Variants in TCF12 observed in about 807,000 individuals in gnomAD.
TCF12 encodes DNA-binding protein HTF4.
A neutral mutation model predicts 86.0 loss-of-function variants in TCF12; 45 were observed. That is an observed-to-expected ratio of 0.52 (90% CI 0.41 to 0.67). The LOEUF (loss-of-function observed/expected upper bound fraction) is 0.67, where lower values mean the gene tolerates loss of function less well. Ranked by LOEUF, TCF12 falls within the 30% of genes least tolerant of loss-of-function variation. TCF12 has a pLI of 0.00. For synonymous variants in TCF12, 330 were observed against 299.6 expected (o/e 1.10, Z -1.05); for missense variants, 881 against 859.9 (o/e 1.02, Z -0.31).
intron 3 of TCF12, among the ~76,000 whole-genome samples, chr15:56,992,130 G>A (rs2063489803): frequency 6.6e-6 from 1 of 151,916 alleles, no homozygotes; most frequent in Non-Finnish European, 1.5e-5. Flanking sequence ...ACCTAGTTGG[G>A]CATGGTGATG....
chr15:57,203,970 GGGT>G (rs2151777749), intron 8 of TCF12, among the ~76,000 whole-genome samples: 1 of 152,274 alleles, frequency 6.6e-6, no homozygotes, highest in East Asian at 1.9e-4. Context: ...ACTCCAGCCT[GGGT>G]GACAGAGGAA....
intron 8 of TCF12, chr15:57,214,202 G>A (rs550757780): frequency 2.0e-5 from 3 of 152,294 alleles, no homozygotes; most frequent in Non-Finnish European, 4.4e-5. Context: ...GTGAGTTTGT[G>A]ATCAAAAGAA....
intron 3 of TCF12, among the ~76,000 whole-genome samples, chr15:57,032,857 G>T (rs1044451918): frequency 5.3e-5 from 8 of 152,186 alleles, no homozygotes; most frequent in African/African-American, 1.9e-4. Flanking sequence ...ACAGACACCA[G>T]TGACAAGATA....
chr15:56,994,459 C>A (rs2140992002), intron 3 of TCF12, among the ~76,000 whole-genome samples: 1 of 152,016 alleles, frequency 6.6e-6, no homozygotes, highest in East Asian at 1.9e-4. Context: ...TTGAAAGACA[C>A]AAACATACAG....
chr15:57,135,639 C>G (rs2151376101), intron 5 of TCF12, among the ~76,000 whole-genome samples: 1 of 152,210 alleles, frequency 6.6e-6, no homozygotes, highest in East Asian at 1.9e-4. Context: ...GATAGAAAAG[C>G]TTTTTAAAAA....
At chr15:56,938,480 T>G (rs968412723) in intron 3 of TCF12, among the ~76,000 whole-genome samples, 2 of 152,082 alleles carry the variant, frequency 1.3e-5, no homozygotes, top group Non-Finnish European at 2.9e-5. Flanking sequence ...TTTTCTGTTG[T>G]GTCCTTTCCT....
chr15:56,929,623 GA>G (rs2060161512), intron 3 of TCF12, among the ~76,000 whole-genome samples: 1 of 152,086 alleles, frequency 6.6e-6, no homozygotes, highest in African/African-American at 2.4e-5. Flanking sequence ...AGATCCCACA[GA>G]AAAGAAAATG....
intron 3 of TCF12, among the ~76,000 whole-genome samples, chr15:56,956,098 A>G (rs941761819): frequency 2.6e-5 from 4 of 151,854 alleles, no homozygotes; most frequent in Non-Finnish European, 4.4e-5. Context: ...TTGTTTTTAC[A>G]TTTAACTGCA....
chr15:57,084,303 T>C (rs2048490716), intron 4 of TCF12, among the ~76,000 whole-genome samples: 1 of 152,170 alleles, frequency 6.6e-6, no homozygotes, highest in Non-Finnish European at 1.5e-5. Flanking sequence ...TGGTTGTATA[T>C]AGTATGTGAT....
intron 4 of TCF12, among the ~76,000 whole-genome samples, chr15:57,067,640 C>G (rs1287133203): frequency 6.6e-6 from 1 of 151,584 alleles, no homozygotes; most frequent in Admixed American, 6.6e-5. Context: ...AAGCATGTCT[C>G]AGCATGTTTG....
chr15:57,185,753 G>A (rs2056631001), intron 6 of TCF12, among the ~76,000 whole-genome samples: 1 of 152,110 alleles, frequency 6.6e-6, no homozygotes, highest in Non-Finnish European at 1.5e-5. Flanking sequence ...GTGTGGTGGT[G>A]CACATCTAGT....
intron 8 of TCF12, among the ~76,000 whole-genome samples, chr15:57,223,395 T>C (rs1280665825): frequency 3.3e-5 from 5 of 152,034 alleles, no homozygotes; most frequent in Non-Finnish European, 7.4e-5. Context: ...ATATATATAC[T>C]ACATTGGAAA....
At chr15:56,932,779 G>A (rs1362835079) in intron 3 of TCF12, among the ~76,000 whole-genome samples, 1 of 152,154 alleles carries the variant, frequency 6.6e-6, no homozygotes, top group Non-Finnish European at 1.5e-5. Context: ...TGGCCAGGCT[G>A]TTCTTTAATT....
In TCF12 at chr15:57,286,691, G is replaced by GA; in HGVS notation, c.*550dup. 1 of 456,260 alleles carries GA rather than the reference G, an allele frequency of 2.2e-6. No homozygotes were observed. The highest frequency in any genetic ancestry group is 2.4e-5 in the Admixed American group (1 of 42,458). 28.3% of individuals were successfully genotyped at this position (456,260 alleles called of 1,614,324 possible). On this transcript the variant is annotated 3_prime_UTR_variant, in exon 21 of 21. Transcript: ENST00000333725. ...CCTATTAGTGTCTTAAAAAGGAAGGGAAAAGTCTTTTGTTGCCCTCTCCTA... is the reference window on the plus strand; with the variant it reads ...CCTATTAGTGTCTTAAAAAGGAAGGGAAAAAGTCTTTTGTTGCCCTCTCCTA...
At chr15:57,137,770 C>G (rs1043213111) in intron 5 of TCF12, among the ~76,000 whole-genome samples, 8 of 151,992 alleles carry the variant, frequency 5.3e-5, no homozygotes, top group Non-Finnish European at 7.4e-5. Flanking sequence ...GGCTCATGCC[C>G]GTAATCCCAG....
At chr15:57,216,563 TAAAAAAA>T (rs5812872) in intron 8 of TCF12, among the ~76,000 whole-genome samples, 7 of 129,076 alleles carry the variant, frequency 5.4e-5, no homozygotes, top group African/African-American at 1.8e-4. Context: ...CATGTTCCTT[TAAAAAAA>T]AAAAAAAAAA....
chr15:57,081,322 G>C (rs768506124), intron 4 of TCF12, among the ~76,000 whole-genome samples: 1 of 152,128 alleles, frequency 6.6e-6, no homozygotes, highest in Non-Finnish European at 1.5e-5. Context: ...GTGGGCTCTG[G>C]ACAGACAGCC....
chr15:57,095,113 C>G (rs2049238145), intron 5 of TCF12, among the ~76,000 whole-genome samples: 1 of 152,048 alleles, frequency 6.6e-6, no homozygotes, highest in African/African-American at 2.4e-5. Context: ...GGAAAGAGGG[C>G]TTTTCTTATG....
intron 3 of TCF12, among the ~76,000 whole-genome samples, chr15:57,046,189 A>C (rs1420195217): frequency 6.6e-6 from 1 of 152,196 alleles, no homozygotes; most frequent in Non-Finnish European, 1.5e-5. Flanking sequence ...TTATCAACCC[A>C]CATTTAACAG....
Sources: gnomAD v4.1 joint callset for allele counts (sites outside exome capture counted in the v4.1 genomes callset) on GRCh38, gnomAD v4.1.1 for gene constraint, MANE v1.5 for transcripts, NCBI Gene and HGNC (gene_info 2026-07-23, HGNC 2026-07-21) for gene names.